Variants in SH3RF2 observed in about 807,000 individuals in gnomAD.
SH3RF2 encodes SH3 domain containing ring finger 2.
A neutral mutation model predicts 59.0 loss-of-function variants in SH3RF2; 43 were observed. The observed-to-expected ratio is 0.73, with a 90% CI of 0.57 to 0.94. The LOEUF is 0.94. SH3RF2 is among the 40% of genes least tolerant of loss of function. The pLI is 0.00. For missense variants in SH3RF2, 930 were observed against 940.1 expected (o/e 0.99, Z 0.14); for synonymous variants, 391 against 391.5 (o/e 1.00, Z 0.01).
chr5:145,997,726 T>C (rs1561731586), intron 2 of SH3RF2: 1 of 1,573,062 alleles, frequency 6.4e-7, no homozygotes, highest in Non-Finnish European at 8.7e-7. Flanking sequence ...AGCCAGCAAA[T>C]TTTTGAAGCA....
rs1424190949 is a variant in SH3RF2 at position 145,962,937 on chromosome 5, G to A, written c.378+24631G>A. Among the ~76,000 whole-genome samples, 42 of 121,072 alleles carry A rather than the reference G, an allele frequency of 3.5e-4. No homozygotes were observed. The Admixed American group carries it at 4.4e-3, about 13-fold the overall frequency. The allele number at this position is 121,072 out of a possible 152,430, so 79.4% of individuals were successfully genotyped here. The stretch of plus-strand genomic sequence containing the variant: ...TTTAGAGACGGAGTCTCGCTCTGTC[G>A]CCCAGGCTGGAGTGCAGTGGCGCAA... On this transcript the variant is annotated intron_variant, in intron 2 of 9. Coordinates refer to ENST00000359120, the MANE Select transcript of SH3RF2 (RefSeq NM_152550.4).
At chr5:146,051,399 G>A (rs1323825676) in intron 7 of SH3RF2, among the ~76,000 whole-genome samples, 2 of 152,166 alleles carry the variant, frequency 1.3e-5, no homozygotes, top group Non-Finnish European at 2.9e-5. Flanking sequence ...AAAGGAAAAG[G>A]GGGAAGCAGA....
intron 5 of SH3RF2, among the ~76,000 whole-genome samples, chr5:146,028,541 C>T (rs1761623831): frequency 6.6e-6 from 1 of 152,212 alleles, no homozygotes; most frequent in South Asian, 2.1e-4. Flanking sequence ...CCGCCCTGGG[C>T]ATTGTGGGGT....
At chr5:145,977,645 G>A (rs1338583443) in intron 2 of SH3RF2, among the ~76,000 whole-genome samples, 1 of 152,162 alleles carries the variant, frequency 6.6e-6, no homozygotes, top group Non-Finnish European at 1.5e-5. Flanking sequence ...TCCCCATATG[G>A]CTGGTCCTAT....
chr5:146,075,360 A>G (rs1019784027), intron 9 of SH3RF2, among the ~76,000 whole-genome samples: 4 of 152,234 alleles, frequency 2.6e-5, no homozygotes, highest in African/African-American at 9.7e-5. Flanking sequence ...GATAAAATAA[A>G]TACTATTACT....
intron 2 of SH3RF2, among the ~76,000 whole-genome samples, chr5:145,949,438 A>T (rs564697734): frequency 6.6e-6 from 1 of 152,222 alleles, no homozygotes; most frequent in South Asian, 2.1e-4. Flanking sequence ...GATATTAACG[A>T]GCTGCCTGGA....
At chr5:145,997,155 T>C (rs1414898706) in intron 2 of SH3RF2, 7 of 689,968 alleles carry the variant, frequency 1.0e-5, no homozygotes, top group Non-Finnish European at 1.8e-5. Flanking sequence ...AGACTTCCTG[T>C]TGCTCCTCAT....
chr5:146,021,824 C>A (rs1265312233), intron 5 of SH3RF2, among the ~76,000 whole-genome samples: 1 of 152,160 alleles, frequency 6.6e-6, no homozygotes, highest in African/African-American at 2.4e-5. Flanking sequence ...TCTTCCCCAG[C>A]CCATGGTGGG....
At chr5:145,978,993 G>A (rs139182564) in intron 2 of SH3RF2, among the ~76,000 whole-genome samples, 5 of 152,216 alleles carry the variant, frequency 3.3e-5, no homozygotes, top group African/African-American at 9.6e-5. Context: ...CATACTTCTG[G>A]GAACACAGAT....
intron 5 of SH3RF2, among the ~76,000 whole-genome samples, chr5:146,034,651 G>A (rs1260021678): frequency 2.0e-5 from 3 of 152,194 alleles, no homozygotes; most frequent in African/African-American, 7.2e-5. Context: ...GCCTCAGTAT[G>A]AGGTGTCTTC....
At chr5:145,976,085 G>T (rs2149965467) in intron 2 of SH3RF2, among the ~76,000 whole-genome samples, 1 of 152,312 alleles carries the variant, frequency 6.6e-6, no homozygotes. Context: ...GTAAATATTT[G>T]TGGAACATTA....
At chr5:145,959,471 C>G (rs1471902204) in intron 2 of SH3RF2, among the ~76,000 whole-genome samples, 1 of 152,040 alleles carries the variant, frequency 6.6e-6, no homozygotes, top group Non-Finnish European at 1.5e-5. Context: ...ACCCAGATAG[C>G]TCTGGCAGAT....
chr5:146,067,791 A>C (rs1313785631), downstream of SH3RF2, among the ~76,000 whole-genome samples: 1 of 144,254 alleles, frequency 6.9e-6, no homozygotes, highest in Non-Finnish European at 1.5e-5. Context: ...CCACACCCAC[A>C]CCCCGGTCCT....
chr5:146,063,086 C>A lies in SH3RF2; in HGVS notation c.*385C>A. 1 of 207,540 alleles carries A rather than the reference C, an allele frequency of 4.8e-6. No homozygotes were observed. Among genetic ancestry groups the A allele is most frequent in the Non-Finnish European group, 9.6e-6 (1 of 104,264 alleles). The allele number at this position is 207,540 out of a possible 1,614,324, so 12.9% of individuals were successfully genotyped here. A position where few individuals can be genotyped will look rare whatever the true frequency, so the allele number is the denominator to read the frequency against. On this transcript the variant is annotated 3_prime_UTR_variant, in exon 10 of 10. Coordinates refer to ENST00000359120, the MANE Select transcript of SH3RF2 (RefSeq NM_152550.4). The stretch of plus-strand genomic sequence containing the variant: ...GGTGTGACAACGGTGGGATTGTTGG[C>A]GTTGCTTCTTTGACCTTACAATATC...
chr5:146,022,075 A>G (rs1352753262), intron 5 of SH3RF2, among the ~76,000 whole-genome samples: 1 of 152,198 alleles, frequency 6.6e-6, no homozygotes, highest in Non-Finnish European at 1.5e-5. Flanking sequence ...GAAAATTTCA[A>G]ACGTATTTGA....
Position 146,002,971 on chromosome 5 carries a change from G to A in SH3RF2, c.649-1087G>A, listed in dbSNP as rs933044102. 2.0e-5 allele frequency among the ~76,000 whole-genome samples: 3 copies of A among 152,260 alleles called. No homozygotes were observed. In the South Asian group the frequency reaches 6.2e-4, roughly 32 times the overall value. ...CAGTCCCTGGTGCCAAAAAGGTTGGGTACCGCTGTGTAAGAGGAAGCTAAG... is the reference window on the plus strand; with the variant it reads ...CAGTCCCTGGTGCCAAAAAGGTTGGATACCGCTGTGTAAGAGGAAGCTAAG... On this transcript the variant is annotated intron_variant, in intron 3 of 9. Coordinates refer to ENST00000359120, the MANE Select transcript of SH3RF2 (RefSeq NM_152550.4).
intron 2 of SH3RF2, among the ~76,000 whole-genome samples, chr5:145,958,912 C>G (rs1049288007): frequency 3.3e-5 from 5 of 152,186 alleles, no homozygotes; most frequent in Non-Finnish European, 7.4e-5. Flanking sequence ...AGGGCACTTT[C>G]AGACCTCTGG....
At chr5:146,061,826 T>TTTTTTTTTAAGAGACATATGAAA (rs1762903867) in intron 9 of SH3RF2, among the ~76,000 whole-genome samples, 1 of 151,524 alleles carries the variant, frequency 6.6e-6, no homozygotes, top group African/African-American at 2.4e-5. Flanking sequence ...GAGCTTTGAT[T>TTTTTTTTTAAGAGACATATGAAA]TTTTTTTTAA....
At chr5:146,064,807 GGAAAGAAAGAAA>G (rs1216580727), downstream of SH3RF2, among the ~76,000 whole-genome samples, 6 of 18,294 alleles carry the variant, frequency 3.3e-4, no homozygotes, top group African/African-American at 8.4e-4. Flanking sequence ...AAGGAAGGAA[GGAAAGAAAGAAA>G]GAAAGAAAGA....
Sources: allele counts gnomAD v4.1 joint callset (sites outside exome capture counted in the v4.1 genomes callset), GRCh38; gene constraint gnomAD v4.1.1; transcripts MANE v1.5; gene names NCBI Gene and HGNC (gene_info 2026-07-23, HGNC 2026-07-21).